The following PRPF6 variants were observed in gnomAD, a reference collection of about 807,000 sequenced individuals.
PRPF6 encodes pre-mRNA-processing factor 6.
In PRPF6, 42 loss-of-function variants were observed where a neutral mutation model predicts 118.3. The ratio of observed to expected loss-of-function variants is 0.35; its 90% CI spans 0.28 to 0.46. The LOEUF (loss-of-function observed/expected upper bound fraction) is 0.46. Among genes scored for constraint, PRPF6 ranks in the 20% least tolerant of loss-of-function variants. The probability of loss-of-function intolerance (pLI) is 1.00; values close to 1 mark genes in which losing one functional copy is unlikely to be tolerated. For missense variants in PRPF6, 662 were observed against 1,255.7 expected, an observed-to-expected ratio of 0.53 and a Z score of 7.15; for synonymous variants, 481 against 485.1, an observed-to-expected ratio of 0.99 and a Z score of 0.11.
In PRPF6 at chr20:64,010,327, G is replaced by A; in HGVS notation, c.1305+9G>A. The A allele has an allele frequency of 6.2e-7, 1 of 1,609,832 alleles. No individual in the cohort carries two copies. The highest frequency in any genetic ancestry group is 2.2e-5 in the East Asian group (1 of 44,872). The stretch of plus-strand genomic sequence containing the variant: ...GCCCCACCAGCGTGGAGGTGAGTCT[G>A]GCGGGCTCAGGGCCACCAGAGCCCA... On this transcript the variant is annotated intron_variant, in intron 10 of 20. Coordinates refer to ENST00000266079, the MANE Select transcript of PRPF6 (RefSeq NM_012469.4).
intron 11 of PRPF6, among the ~76,000 whole-genome samples, chr20:64,013,771 C>T (rs1449376282): frequency 7.9e-5 from 12 of 152,136 alleles, no homozygotes; most frequent in Admixed American, 7.9e-4. Context: ...AACTAGCGTT[C>T]TACAGAATCC....
At position 63,995,255 on chromosome 20, in the gene PRPF6, C is replaced by T. The variant is rs964732660; in HGVS notation, c.616-72C>T. 2.5e-6 allele frequency: 4 copies of T among 1,573,464 alleles called. No homozygotes were observed. In the African/African-American group the frequency reaches 5.4e-5, roughly 21 times the overall value. ...ATGTCAGGCCACTGGGGAAGTATTT[C>T]AGAGAGTAAATTTCTTGGGCATGCA... On this transcript the variant is annotated intron_variant, in intron 5 of 20. Transcript: ENST00000266079.
Position 63,995,378 on chromosome 20 carries a change from C to G in PRPF6, c.667C>G (p.Pro223Ala). ...TCCAGGTGGACTAAACACTCCATAC[C>G]CAGGTGGAATGACGCCAGGACTGAT... ...PYPGGLNTPY[P>A]GGMTPGLMTP... Residue 223 changes from proline to alanine, a missense_variant, in exon 6 of 21, where the codon CCA becomes GCA. Pro to Ala is a conservative substitution (Grantham distance 27). Around this residue, in one of 10 missense-constraint regions of PRPF6, gnomAD observed 97 missense variants for 122.6 expected, o/e 0.79. Coordinates refer to ENST00000266079, the MANE Select transcript of PRPF6 (RefSeq NM_012469.4). 1 of 1,614,070 alleles carries G rather than the reference C, an allele frequency of 6.2e-7. No individual in the cohort carries two copies. Among genetic ancestry groups the G allele is most frequent in the Non-Finnish European group, 8.5e-7 (1 of 1,180,008 alleles).
intron 12 of PRPF6, among the ~76,000 whole-genome samples, chr20:64,017,729 AT>A (rs574254345): frequency 6.0e-5 from 9 of 151,212 alleles, no homozygotes; most frequent in African/African-American, 9.7e-5. Context: ...CTTACCTCTT[AT>A]TTTTTTTTCT....
chr20:64,006,103 C>T (rs528311957), intron 9 of PRPF6, among the ~76,000 whole-genome samples: 2 of 152,156 alleles, frequency 1.3e-5, no homozygotes, highest in Non-Finnish European at 1.5e-5. Context: ...GGCTGTAGTT[C>T]CCATTAACTT....
At chr20:64,000,857 G>A (rs904546294) in intron 8 of PRPF6, among the ~76,000 whole-genome samples, 2 of 152,126 alleles carry the variant, frequency 1.3e-5, no homozygotes, top group Admixed American at 6.6e-5. Context: ...GTGAGCCACC[G>A]CGCCCGGCCA....
intron 11 of PRPF6, among the ~76,000 whole-genome samples, chr20:64,013,439 TTTCTTTCTTTCC>T (rs1375923381): frequency 6.6e-6 from 1 of 152,038 alleles, no homozygotes; most frequent in Non-Finnish European, 1.5e-5. Flanking sequence ...TTTCTTCTTC[TTTCTTTCTTTCC>T]TTCTTTCTTT....
intron 3 of PRPF6, among the ~76,000 whole-genome samples, chr20:63,989,893 G>C (rs1389132593): frequency 6.6e-6 from 1 of 151,882 alleles, no homozygotes; most frequent in African/African-American, 2.4e-5. Context: ...TTTTAGAATA[G>C]TAAAATATAG....
At chr20:64,007,790 T>C (rs1015353109) in intron 9 of PRPF6, among the ~76,000 whole-genome samples, 1 of 152,088 alleles carries the variant, frequency 6.6e-6, no homozygotes, top group African/African-American at 2.4e-5. Flanking sequence ...TCTTTTTCTT[T>C]TTTTTGAGTT....
chr20:64,006,448 A>T (rs942846327), intron 9 of PRPF6, among the ~76,000 whole-genome samples: 1 of 151,364 alleles, frequency 6.6e-6, no homozygotes, highest in East Asian at 1.9e-4. Context: ...TCCCAAGTAG[A>T]TGGGATTACA....
At chr20:64,021,546 G>A (rs1459951541) in intron 12 of PRPF6, among the ~76,000 whole-genome samples, 2 of 145,594 alleles carry the variant, frequency 1.4e-5, no homozygotes, top group Non-Finnish European at 3.0e-5. Flanking sequence ...ACAGCCCCGT[G>A]TCTGTGTGTG....
chr20:64,019,095 T>TC (rs1373756956), intron 12 of PRPF6, among the ~76,000 whole-genome samples: 1 of 147,132 alleles, frequency 6.8e-6, no homozygotes, highest in East Asian at 1.9e-4. Flanking sequence ...GTTGTTGGTT[T>TC]TTTTTTTTTT....
chr20:63,981,644 C>A (rs1483099388), intron 1 of PRPF6, among the ~76,000 whole-genome samples: 1 of 84,106 alleles, frequency 1.2e-5, no homozygotes, highest in East Asian at 2.5e-4. Context: ...GGCTGACACT[C>A]CCCCCCCCCG....
chr20:63,998,942 G>A, intron 6 of PRPF6, 103 bp from the exon 7 acceptor site: 1 of 745,592 alleles, frequency 1.3e-6, no homozygotes, highest in East Asian at 2.6e-5. Context: ...TTCTCCTTCT[G>A]ACTGCTCTCT....
rs1240540577 is a variant in PRPF6 at position 63,986,511 on chromosome 20, C to CG, written c.359+1488dup. On this transcript the variant is annotated intron_variant, in intron 3 of 20. Transcript: ENST00000266079. ...GATCTTTTTTTTTTTTTTTTTGAGA[C>CG]GGAGTCTCGCTCTGTTGCCCAGGCT... 2.5e-3 allele frequency among the ~76,000 whole-genome samples: 344 copies of CG among 136,654 alleles called. 1 individual carries two copies. Among genetic ancestry groups the CG allele is most frequent in the Non-Finnish European group, 4.6e-3 (294 of 64,340 alleles). The allele number at this position is 136,654 out of a possible 152,430, so 89.7% of individuals were successfully genotyped here. A position where few individuals can be genotyped will look rare whatever the true frequency, so the allele number is the denominator to read the frequency against.
chr20:64,002,800 C>T (rs566955482), intron 9 of PRPF6, among the ~76,000 whole-genome samples: 32 of 151,844 alleles, frequency 2.1e-4, no homozygotes, highest in African/African-American at 4.6e-4. Context: ...CCTGCCACCA[C>T]GCCTGCTTAA....
chr20:63,989,992 T>C (rs2059111486), intron 3 of PRPF6, among the ~76,000 whole-genome samples: 1 of 152,120 alleles, frequency 6.6e-6, no homozygotes, highest in Non-Finnish European at 1.5e-5. Flanking sequence ...TAGCCGGGAT[T>C]ATAGGCACGC....
chr20:63,995,251 ATTT>A (rs1469609290), intron 5 of PRPF6, 73 bp from the exon 6 acceptor site: 19 of 1,573,654 alleles, frequency 1.2e-5, no homozygotes, highest in Non-Finnish European at 1.6e-5. Flanking sequence ...CTGGGGAAGT[ATTT>A]CAGAGAGTAA....
At chr20:64,020,602 G>A (rs2059258232) in intron 12 of PRPF6, among the ~76,000 whole-genome samples, 1 of 151,966 alleles carries the variant, frequency 6.6e-6, no homozygotes, top group Non-Finnish European at 1.5e-5. Flanking sequence ...TTCTTTTGTT[G>A]TTGATGCTAA....
Sources: gnomAD v4.1 joint callset for allele counts (sites outside exome capture counted in the v4.1 genomes callset) on GRCh38, gnomAD v4.1.1 for gene constraint, gnomAD v4.1.1 regional missense constraint, MANE v1.5 for transcripts, NCBI Gene and HGNC (gene_info 2026-07-23, HGNC 2026-07-21) for gene names.